The following SAMD4A variants were observed in gnomAD, a reference collection of about 807,000 sequenced individuals.
SAMD4A encodes the protein protein Smaug homolog 1.
In SAMD4A, 33 loss-of-function variants were observed where a neutral mutation model predicts 81.3. That is an observed-to-expected ratio of 0.41 (90% CI 0.31 to 0.54). The LOEUF is 0.54. SAMD4A is among the 20% of genes least tolerant of loss of function. The pLI is 0.37. For missense variants in SAMD4A, 854 were observed against 951.1 expected, an observed-to-expected ratio of 0.90 and a Z score of 1.34; for synonymous variants, 389 against 382.1, an observed-to-expected ratio of 1.02 and a Z score of -0.21.
chr14:54,583,824 G>A (rs577340425), intron 2 of SAMD4A, among the ~76,000 whole-genome samples: 2 of 152,348 alleles, frequency 1.3e-5, no homozygotes, highest in Non-Finnish European at 2.9e-5. Context: ...TTTTGAAAAG[G>A]TGTGCAGACT....
intron 2 of SAMD4A, among the ~76,000 whole-genome samples, chr14:54,620,247 G>T (rs1028266464): frequency 6.6e-6 from 1 of 152,154 alleles, no homozygotes; most frequent in African/African-American, 2.4e-5. Context: ...TGCAAAGGGG[G>T]CCTAGTGTCA....
intron 2 of SAMD4A, among the ~76,000 whole-genome samples, chr14:54,617,798 C>T (rs1268622059): frequency 6.6e-6 from 1 of 152,220 alleles, no homozygotes; most frequent in African/African-American, 2.4e-5. Context: ...TTTCTCTGCA[C>T]TCATAACCAT....
chr14:54,669,467 T>TC (rs397962291), intron 2 of SAMD4A, among the ~76,000 whole-genome samples: 1 of 149,112 alleles, frequency 6.7e-6, no homozygotes, highest in Non-Finnish European at 1.5e-5. Context: ...TTTTTTTTTT[T>TC]AGAGAGAGAC....
At position 54,568,092 on chromosome 14, in the gene SAMD4A, A is replaced by G; in HGVS notation, c.176A>G (p.Glu59Gly). ...GACTGCGCCGAGCTGCACGTCCTCG[A>G]ACGCGAGGCCAACAGCCCCGGTAAG... Reference protein sequence around the residue: ...LADCAELHVLEREANSPGIIN... With the variant: ...LADCAELHVLGREANSPGIIN... Residue 59 changes from glutamate to glycine, a missense_variant, in exon 2 of 13, where the codon GAA (glutamate) becomes GGA (glycine). Around this residue, in one of 3 missense-constraint regions of SAMD4A, gnomAD observed 387 missense variants for 405.8 expected, o/e 0.95. Coordinates refer to ENST00000554335, the MANE Select transcript of SAMD4A (RefSeq NM_015589.6). 1 of 1,559,152 alleles carries G rather than the reference A, an allele frequency of 6.4e-7. No homozygotes were observed. The highest frequency in any genetic ancestry group is 8.6e-7 in the Non-Finnish European group (1 of 1,160,784).
At chr14:54,681,952 T>C (rs1175125699) in intron 2 of SAMD4A, 2 of 985,312 alleles carry the variant, frequency 2.0e-6, no homozygotes, top group East Asian at 2.3e-4. Context: ...TGCAGAGCCA[T>C]TGAAGACAGA....
At chr14:54,698,374 G>A (rs529934941) in intron 2 of SAMD4A, among the ~76,000 whole-genome samples, 1 of 152,314 alleles carries the variant, frequency 6.6e-6, no homozygotes, top group Non-Finnish European at 1.5e-5. Context: ...TGGCCACGCT[G>A]TTGTAGCAGG....
rs377756288 is a variant in SAMD4A, at chr14:54,633,441, G to A, written c.196+65329G>A. Among the ~76,000 whole-genome samples the A allele has an allele frequency of 9.5e-4, 144 of 152,310 alleles. 3 individuals are homozygous for A. The South Asian group carries it at 0.017, about 18-fold the overall frequency. On this transcript the variant is annotated intron_variant, in intron 2 of 12. Coordinates refer to ENST00000554335, the MANE Select transcript of SAMD4A (RefSeq NM_015589.6). ...GGATTGTGTTCTAGGTGCAATGGAA[G>A]CCATTAGGGGGTCTGAACATTGTAA... is the stretch of plus-strand genomic sequence containing the variant.
At chr14:54,674,849 A>G (rs904034648) in intron 2 of SAMD4A, among the ~76,000 whole-genome samples, 6 of 152,172 alleles carry the variant, frequency 3.9e-5, no homozygotes, top group Non-Finnish European at 7.3e-5. Flanking sequence ...CTGGAAATCA[A>G]GTGATCCTCC....
rs371805219 is a variant in SAMD4A, at chr14:54,735,966, A to C, written c.716-1058A>C. Reference sequence around the variant, plus strand: ...TTCCCTGAAAAATGTTTAAAAATGCATGTGGCTCAATTCCGTGTTAGTACA... The same window carrying C: ...TTCCCTGAAAAATGTTTAAAAATGCCTGTGGCTCAATTCCGTGTTAGTACA... On this transcript the variant is annotated intron_variant, in intron 3 of 12. Transcript: ENST00000554335. 9.8e-5 allele frequency among the ~76,000 whole-genome samples: 15 copies of C among 152,328 alleles called. 1 individual carries two copies. Among genetic ancestry groups the C allele is most frequent in the Admixed American group, 5.2e-4 (8 of 15,304 alleles).
At chr14:54,693,941 G>C (rs2036515647) in intron 2 of SAMD4A, 1 of 152,424 alleles carries the variant, frequency 6.6e-6, no homozygotes, top group African/African-American at 2.4e-5. Context: ...TTTGAGCAAA[G>C]ACAGAGCTGA....
Position 54,593,163 on chromosome 14 carries a change from A to G in SAMD4A, c.196+25051A>G, listed in dbSNP as rs899966770. 1.8e-4 allele frequency among the ~76,000 whole-genome samples: 28 copies of G among 152,288 alleles called. No homozygotes were observed. The South Asian group carries it at 1.9e-3, about 10-fold the overall frequency. On this transcript the variant is annotated intron_variant, in intron 2 of 12. Coordinates refer to ENST00000554335, the MANE Select transcript of SAMD4A (RefSeq NM_015589.6). Reference sequence around the variant, plus strand: ...GCCATTCATTGTTTGGATAATATATATGTTATTTAACCATTTCTCTGTTAC... The same window carrying G: ...GCCATTCATTGTTTGGATAATATATGTGTTATTTAACCATTTCTCTGTTAC...
At chr14:54,715,135 G>A (rs1359876020) in intron 3 of SAMD4A, among the ~76,000 whole-genome samples, 1 of 152,038 alleles carries the variant, frequency 6.6e-6, no homozygotes, top group African/African-American at 2.4e-5. Flanking sequence ...GAACAAATGA[G>A]GCTCTGTACA....
intron 3 of SAMD4A, among the ~76,000 whole-genome samples, chr14:54,718,719 T>A (rs2037185053): frequency 1.3e-5 from 2 of 152,092 alleles, no homozygotes; most frequent in African/African-American, 4.8e-5. Context: ...AATCCTGACT[T>A]TGGGCCAGGC....
rs1200461178 is a variant in SAMD4A at position 54,764,460 on chromosome 14, A to T, written c.1516A>T (p.Thr506Ser). The change falls in exon 8 of 13, where the codon ACA becomes TCA. Residue 506 changes from threonine to serine, a missense_variant. By Grantham distance (58) the Thr-to-Ser change is moderately conservative. This residue lies in a region of SAMD4A where 428 missense variants were observed against 471.2 expected (regional missense o/e 0.91). Transcript: ENST00000554335. ...TCTTTTCTTTTTAATTACAGTGTGC[A>T]CACAGCTCTTGGTCTCCAGACCTGA... is the stretch of plus-strand genomic sequence containing the variant. ...QFTRVMGKVC[T>S]QLLVSRPDEE... is the part of the protein sequence containing the mutation. The T allele has an allele frequency of 6.2e-7, 1 of 1,605,044 alleles. No individual in the cohort carries two copies.
intron 2 of SAMD4A, among the ~76,000 whole-genome samples, chr14:54,628,508 A>T (rs1397263346): frequency 1.3e-5 from 2 of 152,158 alleles, no homozygotes; most frequent in African/African-American, 4.8e-5. Context: ...CAGCTATGGA[A>T]ATAGGCCTTC....
chr14:54,651,706 A>G (rs965389460), intron 2 of SAMD4A, among the ~76,000 whole-genome samples: 4 of 152,360 alleles, frequency 2.6e-5, no homozygotes, highest in East Asian at 1.9e-4. Context: ...ATGTCGATGC[A>G]ATTTCCTTTA....
chr14:54,615,066 C>T (rs896641758), intron 2 of SAMD4A, among the ~76,000 whole-genome samples: 1 of 152,134 alleles, frequency 6.6e-6, no homozygotes, highest in Non-Finnish European at 1.5e-5. Flanking sequence ...GAAGTTGAGT[C>T]CTGGCACCTT....
chr14:54,572,937 A>G (rs1286699771), intron 2 of SAMD4A, among the ~76,000 whole-genome samples: 4 of 152,230 alleles, frequency 2.6e-5, no homozygotes, highest in Admixed American at 2.6e-4. Flanking sequence ...ATATAAGTCT[A>G]CTGGGACCCA....
At position 54,752,428 on chromosome 14, in the gene SAMD4A, C is replaced by T. The variant is rs2038130900; in HGVS notation, c.1176+891C>T. On this transcript the variant is annotated intron_variant, in intron 6 of 12. Transcript: ENST00000554335. ...GGGAAGTTCTGTGGGTATTTGCAGC[C>T]TGCAGAGCTTTAGAGGTAACCTCTT... 1.3e-5 allele frequency among the ~76,000 whole-genome samples: 2 copies of T among 152,210 alleles called. 1 individual carries two copies. The highest frequency in any genetic ancestry group is 4.1e-4 in the South Asian group (2 of 4,838).
Sources: allele counts gnomAD v4.1 joint callset (sites outside exome capture counted in the v4.1 genomes callset), GRCh38; gene constraint gnomAD v4.1.1; regional missense constraint gnomAD v4.1.1; transcripts MANE v1.5; gene names NCBI Gene and HGNC (gene_info 2026-07-23, HGNC 2026-07-21).